Variants in ZFR2 observed in about 807,000 individuals in gnomAD.
The protein encoded by ZFR2 is zinc finger RNA binding protein 2.
A neutral mutation model predicts 105.7 loss-of-function variants in ZFR2; 104 were observed. That is an observed-to-expected ratio of 0.98 (90% CI 0.84 to 1.16). The LOEUF (loss-of-function observed/expected upper bound fraction) is 1.16. ZFR2 is among the 50% of genes most tolerant of loss of function. ZFR2 has a pLI of 0.00. For synonymous variants in ZFR2, 634 were observed against 597.7 expected, an observed-to-expected ratio of 1.06 and a Z score of -0.89; for missense variants, 1,425 against 1,355.5, an observed-to-expected ratio of 1.05 and a Z score of -0.80.
intron 13 of ZFR2, among the ~76,000 whole-genome samples, chr19:3,815,744 C>G (rs1431354755): frequency 1.3e-5 from 2 of 148,350 alleles, no homozygotes; most frequent in African/African-American, 5.0e-5. Context: ...CCGCCATGCT[C>G]AGCTAATTTT....
chr19:3,844,873 C>T (rs942889195), intron 1 of ZFR2, among the ~76,000 whole-genome samples: 2 of 152,170 alleles, frequency 1.3e-5, no homozygotes, highest in African/African-American at 4.8e-5. Flanking sequence ...GGCCCACTCC[C>T]GGGGGACTCA....
intron 17 of ZFR2, among the ~76,000 whole-genome samples, chr19:3,808,061 A>C (rs1256623690): frequency 2.0e-5 from 2 of 101,400 alleles, no homozygotes; most frequent in African/African-American, 5.0e-5. Context: ...GTGTGCGTGC[A>C]TGTGTGCCCG....
Position 3,838,725 on chromosome 19 carries a change from G to C in ZFR2, c.54-3742C>G, listed in dbSNP as rs1340457432. ...TGACACCCTGGGACGAGCCCTCCTG[G>C]AGCCCCTGTGGCCTGATGCTGATCA... On this transcript the variant is annotated intron_variant, in intron 1 of 18. Coordinates refer to ENST00000262961, the MANE Select transcript of ZFR2 (RefSeq NM_015174.2). The surrounding 1 kb of genome is among the most constrained non-coding windows in gnomAD (Gnocchi z 4.9). Among the ~76,000 whole-genome samples, 1 of 152,102 alleles carries C rather than the reference G, an allele frequency of 6.6e-6. No homozygotes were observed. The highest frequency in any genetic ancestry group is 2.4e-5 in the African/African-American group (1 of 41,410).
In ZFR2 at chr19:3,819,229, G is replaced by A. The variant is rs756610328; in HGVS notation, c.1747C>T (p.Arg583Trp). Reference protein sequence around the residue: ...SPASAPLQPGRRPASSDDRHV... With the variant: ...SPASAPLQPGWRPASSDDRHV... ...CGGTCGTCGCTGGACGCCGGCCGCC[G>A]CCCGGGCTGTGGGGAGAGGCCGCAC... Residue 583 changes from arginine to tryptophan, a missense_variant, in exon 12 of 19, where the codon CGG (arginine) becomes TGG (tryptophan). By Grantham distance (101) the Arg-to-Trp change is moderately radical (BLOSUM62 -3). Coordinates refer to ENST00000262961, the MANE Select transcript of ZFR2 (RefSeq NM_015174.2). 3.2e-5 allele frequency: 50 copies of A among 1,541,656 alleles called. No homozygotes were observed. Among genetic ancestry groups the A allele is most frequent in the East Asian group, 4.5e-5 (2 of 43,964 alleles).
intron 5 of ZFR2, among the ~76,000 whole-genome samples, chr19:3,829,456 G>T (rs756058675): frequency 6.9e-6 from 1 of 144,766 alleles, no homozygotes; most frequent in Non-Finnish European, 1.5e-5. Context: ...AGGTAGGTTT[G>T]TGTGTGTGTG....
At chr19:3,839,220 T>C (rs7253771) in intron 1 of ZFR2, among the ~76,000 whole-genome samples, 74,231 of 151,822 alleles carry the variant, frequency 0.49, 18,156 homozygotes, top group East Asian at 0.54. Flanking sequence ...AGAGACTTTA[T>C]TGGCCAAAAA....
intron 1 of ZFR2, among the ~76,000 whole-genome samples, chr19:3,841,578 G>A (rs943534705): frequency 6.6e-6 from 1 of 151,660 alleles, no homozygotes; most frequent in South Asian, 2.1e-4. Context: ...CCAGCTACTC[G>A]GGAGGCTGAG....
chr19:3,853,089 C>T (rs1379412333), intron 1 of ZFR2, among the ~76,000 whole-genome samples: 1 of 152,178 alleles, frequency 6.6e-6, no homozygotes. Context: ...TACAGTGAGA[C>T]CCCATCTCTT....
intron 1 of ZFR2, among the ~76,000 whole-genome samples, chr19:3,843,990 TCA>T (rs1364058316): frequency 3.7e-5 from 4 of 107,958 alleles, no homozygotes; most frequent in Non-Finnish European, 5.1e-5. Context: ...GGTGTCAGAT[TCA>T]CAGAGACAGA....
At chr19:3,833,059 T>C (rs921034909) in intron 3 of ZFR2, among the ~76,000 whole-genome samples, 2 of 150,634 alleles carry the variant, frequency 1.3e-5, no homozygotes, top group African/African-American at 2.4e-5. Flanking sequence ...CCAGCCTGGC[T>C]AACATAGTGA....
chr19:3,816,833 G>T lies in ZFR2; in HGVS notation c.1944C>A (p.Pro648=). The change falls in exon 13 of 19, where the codon CCC becomes CCA. Residue 648 remains proline, a synonymous_variant. Transcript: ENST00000262961. The part of the protein sequence containing the change: ...EEGDKRSSVA[P]QTRVLKGVMR... ...TGACGCCTTTCAGGACCCGAGTCTG[G>T]GGGGCAACGCTGCTGTGGGGACAAA... is the stretch of plus-strand genomic sequence containing the variant. 1 of 1,564,166 alleles carries T rather than the reference G, an allele frequency of 6.4e-7. No individual in the cohort carries two copies.
chr19:3,818,042 CT>C (rs2037844954), intron 12 of ZFR2, among the ~76,000 whole-genome samples: 1 of 152,248 alleles, frequency 6.6e-6, no homozygotes, highest in Non-Finnish European at 1.5e-5. Flanking sequence ...GACAGAGCTT[CT>C]GTTTGGGAAG....
chr19:3,859,703 T>G (rs1484338786), intron 1 of ZFR2, among the ~76,000 whole-genome samples: 1 of 152,196 alleles, frequency 6.6e-6, no homozygotes, highest in African/African-American at 2.4e-5. Flanking sequence ...GTCAAGTCCT[T>G]CATCAGGGAG....
rs1219331087 is a variant in ZFR2, at chr19:3,820,183, T to A, written c.1739A>T (p.Gln580Leu). 9 of 1,551,924 alleles carry A rather than the reference T, an allele frequency of 5.8e-6. No homozygotes were observed. The highest frequency in any genetic ancestry group is 1.4e-5 in the African/African-American group (1 of 73,058). The change falls in exon 11 of 19, where the codon CAG becomes CTG. Residue 580 changes from glutamine (Q) to leucine (L), a missense_variant and splice_region_variant. Coordinates refer to ENST00000262961, the MANE Select transcript of ZFR2 (RefSeq NM_015174.2). ...RPESPASAPL[Q>L]PGRRPASSDD... Reference sequence around the variant, plus strand: ...GCACACAGAGGAAACTGTACCTACCTGGAGTGGGGCGCTGGCGGGTGACTC... The same window carrying A: ...GCACACAGAGGAAACTGTACCTACCAGGAGTGGGGCGCTGGCGGGTGACTC...
intron 1 of ZFR2, among the ~76,000 whole-genome samples, chr19:3,844,799 T>C (rs978191978): frequency 6.6e-6 from 1 of 152,224 alleles, no homozygotes; most frequent in Non-Finnish European, 1.5e-5. Flanking sequence ...GGCCTGGTAC[T>C]CTGAGGCCTC....
Position 3,823,485 on chromosome 19 carries a change from G to A in ZFR2, c.1214-82C>T, listed in dbSNP as rs909931941. On this transcript the variant is annotated intron_variant, in intron 7 of 18. Transcript: ENST00000262961. The surrounding 1 kb of genome is among the most constrained non-coding windows in gnomAD (Gnocchi z 5.4). ...CAGACCCGCCAGGCGGCATGGGGTG[G>A]AGAGCCACCCAGACTGCAGGCTGTG... 4.2e-6 allele frequency: 6 copies of A among 1,426,210 alleles called. No individual in the cohort carries two copies. The highest frequency in any genetic ancestry group is 5.6e-6 in the Non-Finnish European group (6 of 1,063,846). The allele number at this position is 1,426,210 out of a possible 1,614,324, so 88.3% of individuals were successfully genotyped here. A position where few individuals can be genotyped will look rare whatever the true frequency, so the allele number is the denominator to read the frequency against.
rs373041333 is a variant in ZFR2 at position 3,854,941 on chromosome 19, G to A, written c.53+14024C>T. ...CACCCAGATAATTTTTAAATTTTTT[G>A]TAAAGTCAGGGCCTTGCTTTGTTGC... is the stretch of plus-strand genomic sequence containing the variant. On this transcript the variant is annotated intron_variant, in intron 1 of 18. Transcript: ENST00000262961. Among the ~76,000 whole-genome samples, 17 of 152,168 alleles carry A rather than the reference G, an allele frequency of 1.1e-4. No individual in the cohort carries two copies. The East Asian group carries it at 3.1e-3, about 28-fold the overall frequency.
At position 3,811,324 on chromosome 19, in the gene ZFR2, G is replaced by A; in HGVS notation, c.2285C>T (p.Pro762Leu). Residue 762 changes from proline to leucine, a missense_variant, in exon 15 of 19, where the codon CCC (proline) becomes CTC (leucine). Pro to Leu is a moderately conservative substitution (Grantham distance 98). Coordinates refer to ENST00000262961, the MANE Select transcript of ZFR2 (RefSeq NM_015174.2). ...GGCCAGGGACTCGAGGCACTTCTTG[G>A]GGCTCAGGACATCACCTGCATCAGC... ...PQADAGDVLSPKKCLESLAAL... is the reference protein window; with the variant it reads ...PQADAGDVLSLKKCLESLAAL... The A allele has an allele frequency of 6.2e-7, 1 of 1,605,588 alleles. No individual in the cohort carries two copies. Among genetic ancestry groups the A allele is most frequent in the South Asian group, 1.1e-5 (1 of 89,176 alleles).
At chr19:3,814,025 G>C (rs2037800015) in intron 13 of ZFR2, 67 bp from the exon 14 acceptor site, 13 of 1,591,284 alleles carry the variant, frequency 8.2e-6, no homozygotes, top group Admixed American at 1.8e-5. Flanking sequence ...AATCAGCCAG[G>C]ATGTGGTTGG....
Sources: gnomAD v4.1 joint callset for allele counts (sites outside exome capture counted in the v4.1 genomes callset) on GRCh38, gnomAD v4.1.1 for gene constraint, Gnocchi (gnomAD v3.1) non-coding constraint, MANE v1.5 for transcripts, NCBI Gene and HGNC (gene_info 2026-07-23, HGNC 2026-07-21) for gene names.